Variants in NKAIN2 observed in about 807,000 individuals in gnomAD.
NKAIN2 encodes sodium/potassium transporting ATPase interacting 2, also known as sodium/potassium-transporting ATPase subunit beta-1-interacting protein 2.
NKAIN2 carries 14 observed loss-of-function variants against 32.6 expected under a neutral mutation model. The ratio of observed to expected loss-of-function variants is 0.43; its 90% CI spans 0.28 to 0.67. NKAIN2 has a LOEUF of 0.67. Among genes scored for constraint, NKAIN2 ranks in the 30% least tolerant of loss-of-function variants. NKAIN2 has a pLI of 0.17. For synonymous variants in NKAIN2, 80 were observed against 87.2 expected (o/e 0.92, Z 0.46); for missense variants, 198 against 258.3 (o/e 0.77, Z 1.60).
chr6:124,569,056 A>G (rs560526350), intron 3 of NKAIN2, among the ~76,000 whole-genome samples: 37 of 152,236 alleles, frequency 2.4e-4, no homozygotes, highest in African/African-American at 8.7e-4. Flanking sequence ...GGCAGTCTAG[A>G]GTCTCCCACT....
chr6:124,534,744 T>C (rs1388095812), intron 3 of NKAIN2, among the ~76,000 whole-genome samples: 1 of 152,160 alleles, frequency 6.6e-6, no homozygotes, highest in Non-Finnish European at 1.5e-5. Context: ...GCTAACTCCT[T>C]CATGAAGCTT....
intron 3 of NKAIN2, among the ~76,000 whole-genome samples, chr6:124,447,206 G>T (rs1176600518): frequency 6.6e-6 from 1 of 151,958 alleles, no homozygotes; most frequent in Non-Finnish European, 1.5e-5. Context: ...ATAGAACTCT[G>T]CTGAGAATGC....
intron 1 of NKAIN2, among the ~76,000 whole-genome samples, chr6:123,958,999 G>A (rs1474613195): frequency 6.6e-6 from 1 of 152,196 alleles, no homozygotes. Flanking sequence ...TCCCAGGGAA[G>A]CTTTCATCCC....
At chr6:124,158,053 A>C (rs1419164556) in intron 1 of NKAIN2, among the ~76,000 whole-genome samples, 6 of 152,184 alleles carry the variant, frequency 3.9e-5, no homozygotes, top group African/African-American at 1.2e-4. Context: ...TTTTCTGCTT[A>C]TATTAGTTTG....
At chr6:124,070,939 G>T (rs566189889) in intron 1 of NKAIN2, among the ~76,000 whole-genome samples, 2 of 152,186 alleles carry the variant, frequency 1.3e-5, no homozygotes, top group African/African-American at 4.8e-5. Flanking sequence ...GGTTGGAAGT[G>T]AATGCATTGT....
chr6:124,048,918 A>G (rs1342889160), intron 1 of NKAIN2, among the ~76,000 whole-genome samples: 1 of 152,072 alleles, frequency 6.6e-6, no homozygotes, highest in Non-Finnish European at 1.5e-5. Context: ...TTAATAAATT[A>G]AACATGGCTT....
chr6:124,772,422 C>A (rs1017642429), intron 4 of NKAIN2, among the ~76,000 whole-genome samples: 2 of 152,142 alleles, frequency 1.3e-5, no homozygotes, highest in Non-Finnish European at 2.9e-5. Context: ...GTTTGAGACA[C>A]ACAGAGTTTT....
At chr6:123,900,135 T>C (rs890361627) in intron 1 of NKAIN2, among the ~76,000 whole-genome samples, 1 of 152,084 alleles carries the variant, frequency 6.6e-6, no homozygotes, top group Non-Finnish European at 1.5e-5. Flanking sequence ...TCGGAACATA[T>C]GTTGTCTCAC....
chr6:124,690,483 A>G (rs1282971944), intron 4 of NKAIN2, among the ~76,000 whole-genome samples: 1 of 152,110 alleles, frequency 6.6e-6, no homozygotes, highest in African/African-American at 2.4e-5. Flanking sequence ...GTTGAAAAGA[A>G]GTGTTGAAAG....
intron 3 of NKAIN2, among the ~76,000 whole-genome samples, chr6:124,475,969 G>T (rs1262645736): frequency 6.6e-6 from 1 of 151,838 alleles, no homozygotes; most frequent in Non-Finnish European, 1.5e-5. Context: ...GAAGATGCCT[G>T]TTAATAGCTT....
At chr6:124,566,441 A>C (rs2114906846) in intron 3 of NKAIN2, among the ~76,000 whole-genome samples, 1 of 152,312 alleles carries the variant, frequency 6.6e-6, no homozygotes, top group Admixed American at 6.5e-5. Flanking sequence ...AGGGGCCCAG[A>C]AAATGTTGGA....
intron 1 of NKAIN2, among the ~76,000 whole-genome samples, chr6:124,177,192 T>G (rs1211704783): frequency 2.6e-5 from 4 of 152,330 alleles, no homozygotes; most frequent in African/African-American, 7.2e-5. Context: ...TCACATTTAT[T>G]GTAAAAATAA....
chr6:124,754,744 A>G lies in NKAIN2; in HGVS notation c.475-36595A>G, dbSNP rs184890454. On this transcript the variant is annotated intron_variant, in intron 4 of 6. Transcript: ENST00000368417. Reference sequence around the variant, plus strand: ...AGTGTGGCGATTCCTCAAAGACCTAAAGACAGAAATACTATTCAATCCAGC... The same window carrying G: ...AGTGTGGCGATTCCTCAAAGACCTAGAGACAGAAATACTATTCAATCCAGC... 9.2e-5 allele frequency among the ~76,000 whole-genome samples: 14 copies of G among 152,206 alleles called. No homozygotes were observed. The East Asian group carries it at 2.5e-3, about 27-fold the overall frequency.
chr6:124,356,069 T>C (rs1209442306), intron 3 of NKAIN2, among the ~76,000 whole-genome samples: 1 of 152,226 alleles, frequency 6.6e-6, no homozygotes, highest in African/African-American at 2.4e-5. Flanking sequence ...AACTTGTATG[T>C]ACTTCCTCGT....
intron 3 of NKAIN2, among the ~76,000 whole-genome samples, chr6:124,543,904 A>C (rs1465161637): frequency 1.3e-5 from 2 of 152,182 alleles, no homozygotes; most frequent in African/African-American, 4.8e-5. Context: ...CAAGCCAGGT[A>C]GTGCAGACCA....
intron 1 of NKAIN2, among the ~76,000 whole-genome samples, chr6:123,995,468 T>C (rs917006894): frequency 6.6e-6 from 1 of 152,148 alleles, no homozygotes; most frequent in Non-Finnish European, 1.5e-5. Flanking sequence ...ATAATGTATA[T>C]AAGGCACCAA....
At chr6:124,412,246 T>A (rs1341048153) in intron 3 of NKAIN2, among the ~76,000 whole-genome samples, 2 of 152,188 alleles carry the variant, frequency 1.3e-5, no homozygotes, top group African/African-American at 4.8e-5. Flanking sequence ...GAGGAGGAGA[T>A]GTGCTGTGAA....
chr6:124,345,035 A>G (rs1798334284), intron 2 of NKAIN2, among the ~76,000 whole-genome samples: 1 of 152,158 alleles, frequency 6.6e-6, no homozygotes, highest in African/African-American at 2.4e-5. Context: ...GAGAGTTTTT[A>G]GCATGAAGGG....
At chr6:123,891,406 C>T (rs1774012930) in intron 1 of NKAIN2, among the ~76,000 whole-genome samples, 1 of 152,230 alleles carries the variant, frequency 6.6e-6, no homozygotes, top group South Asian at 2.1e-4. Flanking sequence ...GGTAACATCA[C>T]GAGCTTGGAA....
Sources: allele counts gnomAD v4.1 joint callset (sites outside exome capture counted in the v4.1 genomes callset), GRCh38; gene constraint gnomAD v4.1.1; transcripts MANE v1.5; gene names NCBI Gene and HGNC (gene_info 2026-07-23, HGNC 2026-07-21).